Variants in XKR6 observed in about 807,000 individuals in gnomAD.
The protein encoded by XKR6 is XK related 6, also known as XK-related protein 6.
XKR6 carries 22 observed loss-of-function variants against 56.7 expected under a neutral mutation model. That is an observed-to-expected ratio of 0.39 (90% CI 0.28 to 0.55). The LOEUF is 0.55. Among genes scored for constraint, XKR6 ranks in the 20% least tolerant of loss-of-function variants. XKR6 has a pLI of 0.66. For missense variants in XKR6, 852 were observed against 889.0 expected (o/e 0.96, Z 0.53); for synonymous variants, 524 against 387.8 (o/e 1.35, Z -4.13).
intron 1 of XKR6, among the ~76,000 whole-genome samples, chr8:11,133,143 C>G (rs998791092): frequency 6.6e-6 from 1 of 152,014 alleles, no homozygotes; most frequent in Admixed American, 6.6e-5. Flanking sequence ...GGTGTGGGTA[C>G]GAGGAATTGA....
At chr8:10,912,811 C>T (rs865810961) in intron 2 of XKR6, among the ~76,000 whole-genome samples, 6 of 129,630 alleles carry the variant, frequency 4.6e-5, no homozygotes, top group Non-Finnish European at 8.0e-5. Flanking sequence ...GAGAGAGAGG[C>T]GAGTATATAT....
chr8:10,987,854 GC>G (rs1797898111), intron 1 of XKR6, among the ~76,000 whole-genome samples: 1 of 152,156 alleles, frequency 6.6e-6, no homozygotes, highest in Non-Finnish European at 1.5e-5. Flanking sequence ...GCAAGCTCCT[GC>G]CATGGCTCTT....
intron 1 of XKR6, among the ~76,000 whole-genome samples, chr8:10,971,136 G>A (rs549232939): frequency 2.6e-5 from 4 of 151,416 alleles, no homozygotes; most frequent in Admixed American, 1.3e-4. Flanking sequence ...AAAATTACAA[G>A]CAGCGCCGGG....
intron 1 of XKR6, among the ~76,000 whole-genome samples, chr8:11,100,306 C>G (rs530428141): frequency 6.6e-6 from 1 of 152,164 alleles, no homozygotes; most frequent in Non-Finnish European, 1.5e-5. Flanking sequence ...CTACCCACTT[C>G]GACCTCCCAA....
At position 11,137,174 on chromosome 8, in the gene XKR6, C is replaced by A. The variant is rs117772456; in HGVS notation, c.764+63402G>T. ...TAACCTTGCTCTAGCTCCAGTCCAT[C>A]CATCCATCATCATGCTAAAACATAC... On this transcript the variant is annotated intron_variant, in intron 1 of 2. Transcript: ENST00000416569. The A allele has an allele frequency of 4.2e-3, 695 of 166,314 alleles. 2 individuals are homozygous for A. The highest frequency in any genetic ancestry group is 8.6e-3 in the Admixed American group (144 of 16,672). The allele number at this position is 166,314 out of a possible 1,614,324, so 10.3% of individuals were successfully genotyped here.
chr8:11,061,224 G>T (rs567142336), intron 1 of XKR6, among the ~76,000 whole-genome samples: 1 of 152,208 alleles, frequency 6.6e-6, no homozygotes, highest in African/African-American at 2.4e-5. Context: ...GGCACTTTGG[G>T]AGGCCCAGGT....
At chr8:11,053,067 C>A (rs1235727739) in intron 1 of XKR6, among the ~76,000 whole-genome samples, 2 of 152,176 alleles carry the variant, frequency 1.3e-5, no homozygotes, top group Admixed American at 1.3e-4. Flanking sequence ...CCACGCGCCA[C>A]CCTGTGCACC....
intron 1 of XKR6, among the ~76,000 whole-genome samples, chr8:11,051,579 T>C (rs369241025): frequency 6.6e-5 from 10 of 152,180 alleles, no homozygotes; most frequent in Admixed American, 6.5e-4. Context: ...GGCTCCTCTT[T>C]TCCTCACGCC....
chr8:11,090,962 G>C (rs1196010498), intron 1 of XKR6, among the ~76,000 whole-genome samples: 2 of 152,254 alleles, frequency 1.3e-5, no homozygotes, highest in South Asian at 4.1e-4. Flanking sequence ...CGTTAACCCA[G>C]CTGTAATGGA....
At chr8:10,983,222 T>C (rs2129137914) in intron 1 of XKR6, among the ~76,000 whole-genome samples, 1 of 152,084 alleles carries the variant, frequency 6.6e-6, no homozygotes, top group Admixed American at 6.5e-5. Context: ...AATGTAGAAG[T>C]GATAAATTCA....
At chr8:10,912,271 G>C (rs1800406431) in intron 2 of XKR6, among the ~76,000 whole-genome samples, 1 of 119,786 alleles carries the variant, frequency 8.3e-6, no homozygotes. Context: ...TATACAGAGA[G>C]AAATGGTGTG....
At chr8:10,942,408 C>T (rs575299246) in intron 1 of XKR6, among the ~76,000 whole-genome samples, 2 of 152,350 alleles carry the variant, frequency 1.3e-5, no homozygotes, top group East Asian at 3.9e-4. Flanking sequence ...GAGTCCACAG[C>T]CAGCCTGGAT....
At chr8:10,916,156 G>T (rs1363720606) in intron 2 of XKR6, among the ~76,000 whole-genome samples, 1 of 152,246 alleles carries the variant, frequency 6.6e-6, no homozygotes, top group Non-Finnish European at 1.5e-5. Flanking sequence ...AAGGGGCCAG[G>T]ACATAGGAAC....
intron 1 of XKR6, chr8:11,175,656 G>A (rs570241579): frequency 1.3e-5 from 2 of 152,328 alleles, no homozygotes; most frequent in South Asian, 2.1e-4. Flanking sequence ...TCTCTCTGCT[G>A]TAAATCCTCA....
At chr8:11,182,119 T>G (rs994241655) in intron 1 of XKR6, among the ~76,000 whole-genome samples, 1 of 152,164 alleles carries the variant, frequency 6.6e-6, no homozygotes, top group African/African-American at 2.4e-5. Flanking sequence ...CTATTTACAG[T>G]ATAGGGTTTT....
chr8:11,031,432 G>A (rs1239021828), intron 1 of XKR6, among the ~76,000 whole-genome samples: 1 of 152,206 alleles, frequency 6.6e-6, no homozygotes, highest in Non-Finnish European at 1.5e-5. Flanking sequence ...GTAAGGCACT[G>A]GAGGTGCAAA....
At chr8:10,944,107 G>A (rs367553953) in intron 1 of XKR6, among the ~76,000 whole-genome samples, 34 of 151,860 alleles carry the variant, frequency 2.2e-4, no homozygotes, top group African/African-American at 7.7e-4. Flanking sequence ...TATACCCAGC[G>A]CCCCCCAGCC....
At chr8:10,923,986 C>G (rs566291035) in intron 2 of XKR6, among the ~76,000 whole-genome samples, 11 of 152,340 alleles carry the variant, frequency 7.2e-5, no homozygotes, top group Admixed American at 3.3e-4. Context: ...TGGACTGTCT[C>G]TCACTTGTTG....
intron 1 of XKR6, among the ~76,000 whole-genome samples, chr8:11,110,670 T>C (rs1798853349): frequency 6.6e-6 from 1 of 152,210 alleles, no homozygotes; most frequent in African/African-American, 2.4e-5. Context: ...TCAAGTTTCT[T>C]AATCCCAGGA....
Sources: allele counts gnomAD v4.1 joint callset (sites outside exome capture counted in the v4.1 genomes callset), GRCh38; gene constraint gnomAD v4.1.1; transcripts MANE v1.5; gene names NCBI Gene and HGNC (gene_info 2026-07-23, HGNC 2026-07-21).